Variants in RPE65 observed in about 807,000 individuals in gnomAD.
The protein encoded by RPE65 is retinoid isomerohydrolase RPE65.
RPE65 carries 58 observed loss-of-function variants against 68.5 expected under a neutral mutation model. The observed-to-expected ratio is 0.85, with a 90% CI of 0.69 to 1.05. The LOEUF (loss-of-function observed/expected upper bound fraction) is 1.05, where lower values mean the gene tolerates loss of function less well. RPE65 is among the 50% of genes least tolerant of loss of function. RPE65 has a pLI of 0.00. For synonymous variants in RPE65, 220 were observed against 222.2 expected, an observed-to-expected ratio of 0.99 and a Z score of 0.09; for missense variants, 643 against 629.9, an observed-to-expected ratio of 1.02 and a Z score of -0.22.
Position 68,428,975 on chromosome 1 carries a change from C to A in RPE65, c.*801G>T, listed in dbSNP as rs1300630443. The A allele has an allele frequency of 6.6e-6, 1 of 151,990 alleles. No homozygotes were observed. The highest frequency in any genetic ancestry group is 2.4e-5 in the African/African-American group (1 of 41,406). 9.4% of individuals were successfully genotyped at this position (151,990 alleles called of 1,614,324 possible). The stretch of plus-strand genomic sequence containing the variant: ...TAAATACAATTAAACAAAAAAGATG[C>A]AATAAAGTATAATCCTGCAACATTA... On this transcript the variant is annotated 3_prime_UTR_variant, in exon 14 of 14. Coordinates refer to ENST00000262340, the MANE Select transcript of RPE65 (RefSeq NM_000329.3).
chr1:68,440,223 G>A (rs994022108), intron 6 of RPE65, among the ~76,000 whole-genome samples: 1 of 152,136 alleles, frequency 6.6e-6, no homozygotes, highest in Non-Finnish European at 1.5e-5. Context: ...CTAGGTGATG[G>A]TCTTGGTCCA....
intron 10 of RPE65, among the ~76,000 whole-genome samples, chr1:68,434,107 TATATATATAC>T (rs1237075231): frequency 1.4e-5 from 2 of 141,486 alleles, no homozygotes; most frequent in African/African-American, 5.5e-5. Flanking sequence ...TATATATATA[TATATATATAC>T]ACACACACAC....
At chr1:68,430,463 T>G (rs1455998655) in intron 13 of RPE65, among the ~76,000 whole-genome samples, 1 of 152,240 alleles carries the variant, frequency 6.6e-6, no homozygotes. Flanking sequence ...TAGTGTGAAA[T>G]GGCTCCACAA....
chr1:68,431,240 A>G, intron 12 of RPE65, 42 bp downstream of exon 12: 5 of 1,606,400 alleles, frequency 3.1e-6, no homozygotes, highest in Non-Finnish European at 4.3e-6. Flanking sequence ...ACTAGCATAT[A>G]CTCAAAGCAC....
chr1:68,448,553 GC>G, intron 2 of RPE65, 70 bp downstream of exon 2: 1 of 1,441,364 alleles, frequency 6.9e-7, no homozygotes, highest in Non-Finnish European at 9.7e-7. Context: ...ACTGAGAGAC[GC>G]CAAGGAATAG....
rs752554231 is a variant in RPE65 at position 68,444,902 on chromosome 1, TAGGGA to T, written c.246-24_246-20del. 46 of 1,609,256 alleles carry T rather than the reference TAGGGA, an allele frequency of 2.9e-5. No individual in the cohort carries two copies. Among genetic ancestry groups the T allele is most frequent in the Admixed American group, 5.0e-5 (3 of 59,984 alleles). On this transcript the variant is annotated intron_variant, in intron 3 of 13. Coordinates refer to ENST00000262340, the MANE Select transcript of RPE65 (RefSeq NM_000329.3). ...GATGAACCTGAAGGACATTGAAACA[TAGGGA>T]AGAGTATAGACAGGAGCAATCCGTA... is the stretch of plus-strand genomic sequence containing the variant.
intron 3 of RPE65, among the ~76,000 whole-genome samples, chr1:68,445,973 C>T (rs1645940575): frequency 6.6e-6 from 1 of 151,952 alleles, no homozygotes; most frequent in African/African-American, 2.4e-5. Flanking sequence ...TCCCCTTTCA[C>T]TTTTTCTTTA....
Position 68,439,220 on chromosome 1 carries a change from C to T in RPE65, c.829G>A (p.Asp277Asn). 1 of 1,614,036 alleles carries T rather than the reference C, an allele frequency of 6.2e-7. No homozygotes were observed. The highest frequency in any genetic ancestry group is 8.5e-7 in the Non-Finnish European group (1 of 1,179,964). ...ATGGTTTCATTGGACTCAAAACAAT[C>T]CATGTAGTTGGCTCCCCAAAGACTC... ...SWSLWGANYM[D>N]CFESNETMGV... The change falls in exon 8 of 14, where the codon GAT becomes AAT. Residue 277 changes from aspartate (D) to asparagine (N), a missense_variant. Transcript: ENST00000262340.
intron 6 of RPE65, 101 bp downstream of exon 6, chr1:68,440,752 G>A: frequency 6.8e-7 from 1 of 1,461,124 alleles, no homozygotes; most frequent in Non-Finnish European, 9.5e-7. Context: ...ATTTAACTAT[G>A]CACAAAATGC....
In RPE65 at chr1:68,429,834, CG is replaced by C; in HGVS notation, c.1543del (p.Arg515GlyfsTer55). 6.2e-7 allele frequency: 1 copy of C among 1,613,744 alleles called. No individual in the cohort carries two copies. The highest frequency in any genetic ancestry group is 8.5e-7 in the Non-Finnish European group (1 of 1,179,800). On this transcript the variant is annotated frameshift_variant, in exon 14 of 14. Coordinates refer to ENST00000262340, the MANE Select transcript of RPE65 (RefSeq NM_000329.3). LOFTEE classifies it high-confidence loss of function. ...AGGGATGTTAATCTCCACTTCAGCC[CG>C]GGCAACTTCACTTAAGTCCTTGGCA... ...LNAKDLSEVA[R>X]AEVEINIPVT...
In RPE65 at chr1:68,446,657, G is replaced by A; in HGVS notation, c.245+53C>T. ...GGTGAAAACTCACATGGGAGGAGGA[G>A]CCAAGCTAGGCCCTACTTTGAGGAG... On this transcript the variant is annotated intron_variant, in intron 3 of 13. Transcript: ENST00000262340. The A allele has an allele frequency of 1.9e-6, 3 of 1,612,276 alleles. No individual in the cohort carries two copies. The South Asian group carries it at 3.3e-5, about 18-fold the overall frequency.
At chr1:68,444,297 T>C (rs768685282) in intron 5 of RPE65, among the ~76,000 whole-genome samples, 1 of 152,204 alleles carries the variant, frequency 6.6e-6, no homozygotes, top group African/African-American at 2.4e-5. Flanking sequence ...TTGTTGACAA[T>C]GCTAGGATTT....
At chr1:68,433,317 C>T (rs935352700) in intron 10 of RPE65, among the ~76,000 whole-genome samples, 1 of 151,966 alleles carries the variant, frequency 6.6e-6, no homozygotes, top group South Asian at 2.1e-4. Context: ...TTTGTAAGAG[C>T]CTGACAAAAA....
intron 1 of RPE65, among the ~76,000 whole-genome samples, chr1:68,449,327 G>A (rs1253091187): frequency 6.6e-6 from 1 of 151,878 alleles, no homozygotes; most frequent in Non-Finnish European, 1.5e-5. Context: ...TTTCATCATA[G>A]TCAGACCAGG....
At chr1:68,429,956 T>C (rs758178066) in intron 13 of RPE65, 29 bp from the exon 14 acceptor site, 32 of 1,612,964 alleles carry the variant, frequency 2.0e-5, no homozygotes, top group Admixed American at 5.0e-5. Flanking sequence ...TTAGGCAATA[T>C]TGAGTTTTTA....
intron 10 of RPE65, among the ~76,000 whole-genome samples, chr1:68,436,570 G>A (rs886805621): frequency 2.6e-5 from 4 of 151,890 alleles, no homozygotes; most frequent in Non-Finnish European, 4.4e-5. Flanking sequence ...CTGGGTTCAA[G>A]CGATTCTCTT....
rs781416768 is a variant in RPE65 at position 68,440,871 on chromosome 1, T to A, written c.625A>T (p.Ile209Phe). 1.5e-5 allele frequency: 25 copies of A among 1,613,948 alleles called. No homozygotes were observed. The African/African-American group carries it at 3.3e-4, about 22-fold the overall frequency. The change falls in exon 6 of 14, where the codon ATC (isoleucine) becomes TTC (phenylalanine). Residue 209 changes from isoleucine to phenylalanine, a missense_variant. By Grantham distance (21) the Ile-to-Phe change is conservative (BLOSUM62 0). Transcript: ENST00000262340. ...AACTCACCTGCTTGCAGTGGTGGGA[T>A]CTTTACAATGTTGTAGGCAATTGAA... is the stretch of plus-strand genomic sequence containing the variant. ...NFSIAYNIVK[I>F]PPLQADKEDP... is the part of the protein sequence containing the mutation.
chr1:68,449,620 G>A (rs1645967753), intron 1 of RPE65, among the ~76,000 whole-genome samples: 2 of 152,146 alleles, frequency 1.3e-5, no homozygotes, highest in Admixed American at 6.5e-5. Flanking sequence ...ACTAGGAAAT[G>A]ACTGGGCAAG....
intron 10 of RPE65, among the ~76,000 whole-genome samples, chr1:68,437,500 T>C (rs1424711874): frequency 1.3e-5 from 2 of 152,342 alleles, no homozygotes; most frequent in East Asian, 1.9e-4. Flanking sequence ...TTACATTCCA[T>C]GTAGCTGTTT....
Sources: allele counts gnomAD v4.1 joint callset (sites outside exome capture counted in the v4.1 genomes callset), GRCh38; gene constraint gnomAD v4.1.1; transcripts MANE v1.5; gene names NCBI Gene and HGNC (gene_info 2026-07-23, HGNC 2026-07-21).